The following SLC24A2 variants were observed in gnomAD, a reference collection of about 807,000 sequenced individuals.
SLC24A2 encodes sodium/potassium/calcium exchanger 2.
Under a neutral mutation model 62.0 loss-of-function variants are expected in SLC24A2, and 36 were observed. That is an observed-to-expected ratio of 0.58 (90% confidence interval 0.44 to 0.77). The LOEUF is 0.77. Ranked by LOEUF, SLC24A2 falls within the 30% of genes least tolerant of loss-of-function variation. SLC24A2 has a pLI of 0.00. For missense variants in SLC24A2, 846 were observed against 817.9 expected, an observed-to-expected ratio of 1.03 and a Z score of -0.42; for synonymous variants, 358 against 294.0, an observed-to-expected ratio of 1.22 and a Z score of -2.23.
At chr9:19,826,140 T>C in the SLC24A2 span, among the ~76,000 whole-genome samples, 2 of 132,640 alleles carry the variant, frequency 1.5e-5, no homozygotes, top group Admixed American at 1.6e-4. Flanking sequence ...ACGCAAAATA[T>C]GACAGAAGTA....
the SLC24A2 span, among the ~76,000 whole-genome samples, chr9:20,061,593 T>C: frequency 2.5e-4 from 38 of 152,256 alleles, 2 homozygotes; most frequent in South Asian, 7.0e-3. Flanking sequence ...AGCCAGTCAA[T>C]TGATTTTTAA....
chr9:20,059,711 C>T, the SLC24A2 span, among the ~76,000 whole-genome samples: 11 of 151,842 alleles, frequency 7.2e-5, no homozygotes, highest in East Asian at 5.8e-4. Flanking sequence ...AAAGATCTCT[C>T]GCAAATTGAG....
the SLC24A2 span, among the ~76,000 whole-genome samples, chr9:19,827,601 A>G: frequency 3.3e-5 from 5 of 152,162 alleles, no homozygotes; most frequent in Non-Finnish European, 2.9e-5. Flanking sequence ...GTAAGGCTAC[A>G]TGCATGTTTA....
chr9:19,724,869 T>C (rs1322655994), intron 2 of SLC24A2, among the ~76,000 whole-genome samples: 2 of 152,172 alleles, frequency 1.3e-5, no homozygotes, highest in African/African-American at 4.8e-5. Flanking sequence ...TTAGATACCA[T>C]TAAAGGGAGA....
intron 5 of SLC24A2, among the ~76,000 whole-genome samples, chr9:19,578,930 T>G (rs1396956569): frequency 6.6e-6 from 1 of 152,146 alleles, no homozygotes; most frequent in East Asian, 1.9e-4. Flanking sequence ...GTCTAGGCAA[T>G]GAATGTGCAC....
the SLC24A2 span, among the ~76,000 whole-genome samples, chr9:20,220,309 C>A: frequency 6.6e-6 from 1 of 152,076 alleles, no homozygotes; most frequent in African/African-American, 2.4e-5. Flanking sequence ...ATTAAAAGGG[C>A]TTGGTGGAAA....
At chr9:19,789,901 C>T (rs1823288600), upstream of SLC24A2, among the ~76,000 whole-genome samples, 1 of 152,276 alleles carries the variant, frequency 6.6e-6, no homozygotes, top group Admixed American at 6.5e-5. Context: ...CTCCCCCATC[C>T]AAGAGGGTTT....
At chr9:19,782,751 G>C (rs1277396140) in intron 2 of SLC24A2, among the ~76,000 whole-genome samples, 2 of 152,190 alleles carry the variant, frequency 1.3e-5, no homozygotes, top group African/African-American at 4.8e-5. Flanking sequence ...GATCATGCTA[G>C]ATGCTTAACA....
the SLC24A2 span, among the ~76,000 whole-genome samples, chr9:19,922,217 T>A: frequency 1.3e-5 from 2 of 152,216 alleles, no homozygotes; most frequent in African/African-American, 2.4e-5. Context: ...ATAAGCCATC[T>A]TCCTAAGTAT....
At chr9:20,084,022 G>A in the SLC24A2 span, among the ~76,000 whole-genome samples, 2 of 152,298 alleles carry the variant, frequency 1.3e-5, no homozygotes, top group South Asian at 4.1e-4. Flanking sequence ...ATAACCCAAT[G>A]GTCAGAGCTT....
At chr9:20,045,456 G>C in the SLC24A2 span, among the ~76,000 whole-genome samples, 9 of 152,070 alleles carry the variant, frequency 5.9e-5, no homozygotes, top group Non-Finnish European at 1.0e-4. Context: ...TTTCAAGACA[G>C]AGTCTCGCAC....
the SLC24A2 span, among the ~76,000 whole-genome samples, chr9:20,151,136 T>C: frequency 2.0e-5 from 3 of 151,258 alleles, no homozygotes; most frequent in Admixed American, 2.0e-4. Context: ...CCTAATTAAG[T>C]TATCAGCATA....
the SLC24A2 span, among the ~76,000 whole-genome samples, chr9:19,949,558 T>C: frequency 2.0e-5 from 3 of 152,150 alleles, no homozygotes; most frequent in Non-Finnish European, 4.4e-5. Flanking sequence ...AGCAATAGAA[T>C]CTCCTGAGTT....
chr9:20,229,350 T>A, the SLC24A2 span, among the ~76,000 whole-genome samples: 1 of 152,310 alleles, frequency 6.6e-6, no homozygotes. Flanking sequence ...TATGAATATC[T>A]ACCTCATCAG....
the SLC24A2 span, among the ~76,000 whole-genome samples, chr9:20,297,462 G>T: frequency 6.6e-6 from 1 of 152,210 alleles, no homozygotes; most frequent in African/African-American, 2.4e-5. Flanking sequence ...TGGGAGGAAG[G>T]AATATAAACT....
the SLC24A2 span, among the ~76,000 whole-genome samples, chr9:19,976,646 T>C: frequency 6.6e-6 from 1 of 152,216 alleles, no homozygotes; most frequent in African/African-American, 2.4e-5. Flanking sequence ...ATAAGTAATC[T>C]AGAAATGACT....
the SLC24A2 span, among the ~76,000 whole-genome samples, chr9:20,147,875 C>A: frequency 3.3e-5 from 5 of 152,084 alleles, no homozygotes; most frequent in Non-Finnish European, 7.4e-5. Flanking sequence ...TTTTCTTATT[C>A]ATGAAATGTC....
chr9:20,288,031 T>C, the SLC24A2 span, among the ~76,000 whole-genome samples: 1 of 74,226 alleles, frequency 1.3e-5, no homozygotes, highest in African/African-American at 1.3e-4. Flanking sequence ...AAGGGAGGAG[T>C]TAGGAAAAAA....
chr9:19,902,244 G>A, the SLC24A2 span, among the ~76,000 whole-genome samples: 2 of 152,148 alleles, frequency 1.3e-5, no homozygotes, highest in Admixed American at 1.3e-4. Flanking sequence ...AGGCTTCTCT[G>A]GGTTCCCTCT....
Sources: gnomAD v4.1 joint callset for allele counts (sites outside exome capture counted in the v4.1 genomes callset) on GRCh38, gnomAD v4.1.1 for gene constraint, MANE v1.5 for transcripts, NCBI Gene and HGNC (gene_info 2026-07-23, HGNC 2026-07-21) for gene names.